Variants in NBAS observed in about 807,000 individuals in gnomAD.
The protein encoded by NBAS is NAG/BC035112 fusion.
A neutral mutation model predicts 302.5 loss-of-function variants in NBAS; 219 were observed. That is an observed-to-expected ratio of 0.72 (90% CI 0.65 to 0.81). The LOEUF (loss-of-function observed/expected upper bound fraction) is 0.81. Among genes scored for constraint, NBAS ranks in the 30% least tolerant of loss-of-function variants. NBAS has a pLI of 0.00. For missense variants in NBAS, 2,932 were observed against 2,841.6 expected, an observed-to-expected ratio of 1.03 and a Z score of -0.72; for synonymous variants, 1,118 against 1,021.6, an observed-to-expected ratio of 1.09 and a Z score of -1.80.
chr2:15,360,649 C>CTTTT lies in NBAS; in HGVS notation c.3818-4237_3818-4234dup, dbSNP rs369254532. On this transcript the variant is annotated intron_variant, in intron 32 of 51. Coordinates refer to ENST00000281513, the MANE Select transcript of NBAS (RefSeq NM_015909.4). ...AGAAGTCTGAGCCGCCATGACCAGC[C>CTTTT]TTTTTTTTTTTTTTTTTTTTAACTT... Among the ~76,000 whole-genome samples the CTTTT allele has an allele frequency of 3.3e-4, 41 of 123,242 alleles. 1 individual carries two copies. Among genetic ancestry groups the CTTTT allele is most frequent in the South Asian group, 1.4e-3 (5 of 3,588 alleles). 80.9% of individuals were successfully genotyped at this position (123,242 alleles called of 152,430 possible).
At chr2:15,319,848 G>A (rs1322360039) in intron 38 of NBAS, among the ~76,000 whole-genome samples, 2 of 151,888 alleles carry the variant, frequency 1.3e-5, no homozygotes, top group Non-Finnish European at 1.5e-5. Context: ...CTTCTGAAAC[G>A]ATCCCAATCA....
At chr2:15,144,603 A>G in the NBAS span, among the ~76,000 whole-genome samples, 4 of 152,124 alleles carry the variant, frequency 2.6e-5, no homozygotes, top group African/African-American at 9.7e-5. Context: ...GAGTGGCCAC[A>G]TTGCTGGCCA....
the NBAS span, among the ~76,000 whole-genome samples, chr2:15,087,758 C>T: frequency 5.3e-5 from 8 of 152,282 alleles, no homozygotes; most frequent in South Asian, 4.1e-4. Flanking sequence ...ATTTGAGAGG[C>T]GGTGTACCAT....
chr2:15,495,953 A>G (rs556460701), intron 11 of NBAS, among the ~76,000 whole-genome samples: 1 of 152,276 alleles, frequency 6.6e-6, no homozygotes, highest in South Asian at 2.1e-4. Context: ...TGATATTTCC[A>G]CAAAAGAACT....
At chr2:15,277,377 G>A (rs1407017161) in intron 42 of NBAS, among the ~76,000 whole-genome samples, 1 of 152,158 alleles carries the variant, frequency 6.6e-6, no homozygotes, top group African/African-American at 2.4e-5. Context: ...TCCTGCAGTT[G>A]GGAGAGCTGT....
chr2:15,245,782 T>C (rs766013153), intron 44 of NBAS, among the ~76,000 whole-genome samples: 1 of 152,218 alleles, frequency 6.6e-6, no homozygotes, highest in East Asian at 1.9e-4. Context: ...TTAGACATGG[T>C]GTGGCATAAA....
chr2:14,975,647 T>G, the NBAS span, among the ~76,000 whole-genome samples: 2 of 152,194 alleles, frequency 1.3e-5, no homozygotes, highest in South Asian at 4.1e-4. Context: ...AATGCACTCC[T>G]TGCATTTCTG....
chr2:15,474,375 T>C, intron 14 of NBAS, 51 bp from the exon 15 acceptor site: 2 of 1,488,764 alleles, frequency 1.3e-6, no homozygotes, highest in Non-Finnish European at 1.8e-6. Flanking sequence ...TAAGAATAAC[T>C]TTTTAGAATT....
the NBAS span, among the ~76,000 whole-genome samples, chr2:14,919,595 T>C: frequency 6.6e-6 from 1 of 152,230 alleles, no homozygotes; most frequent in African/African-American, 2.4e-5. Context: ...TCTTTCAAAA[T>C]TGAAGTCAGT....
chr2:15,472,311 C>T (rs1402055049), intron 16 of NBAS, among the ~76,000 whole-genome samples: 1 of 152,170 alleles, frequency 6.6e-6, no homozygotes, highest in African/African-American at 2.4e-5. Flanking sequence ...TACTTCCCCG[C>T]TTCCTCCCTC....
intron 48 of NBAS, among the ~76,000 whole-genome samples, chr2:15,200,170 C>T (rs1665811133): frequency 6.6e-6 from 1 of 152,008 alleles, no homozygotes; most frequent in African/African-American, 2.4e-5. Context: ...GAGTTATAAG[C>T]ATGAGCCACT....
chr2:14,877,295 T>C, the NBAS span, among the ~76,000 whole-genome samples: 2 of 152,190 alleles, frequency 1.3e-5, no homozygotes, highest in Non-Finnish European at 2.9e-5. Flanking sequence ...GCTGCTTCTC[T>C]GTCAATTAAC....
At chr2:15,404,347 G>A (rs1676302156) in intron 25 of NBAS, among the ~76,000 whole-genome samples, 1 of 151,832 alleles carries the variant, frequency 6.6e-6, no homozygotes, top group Non-Finnish European at 1.5e-5. Context: ...ACTCATATAT[G>A]GTAAGAAAAC....
the NBAS span, among the ~76,000 whole-genome samples, chr2:15,070,853 G>C: frequency 6.6e-6 from 1 of 152,136 alleles, no homozygotes; most frequent in African/African-American, 2.4e-5. Flanking sequence ...GAAGAAAGAG[G>C]GGTGTCCTCC....
chr2:15,077,340 T>C, the NBAS span, among the ~76,000 whole-genome samples: 35 of 152,212 alleles, frequency 2.3e-4, no homozygotes. Flanking sequence ...TCGTGGGGAT[T>C]ATAATTCAAG....
intron 35 of NBAS, among the ~76,000 whole-genome samples, chr2:15,342,653 AAG>A (rs1672908056): frequency 6.6e-6 from 1 of 152,088 alleles, no homozygotes; most frequent in South Asian, 2.1e-4. Flanking sequence ...AGGGAGGAAA[AAG>A]AGAGAACTTT....
At chr2:15,140,922 C>T in the NBAS span, among the ~76,000 whole-genome samples, 1 of 152,136 alleles carries the variant, frequency 6.6e-6, no homozygotes, top group South Asian at 2.1e-4. Context: ...TACCTGCAAG[C>T]CAGGCTTATC....
At chr2:14,912,703 T>TA in the NBAS span, among the ~76,000 whole-genome samples, 1,148 of 78,484 alleles carry the variant, frequency 0.015, 7 homozygotes, top group Middle Eastern at 0.048. Flanking sequence ...CATTCATTTT[T>TA]AAAAAAAAAA....
At chr2:14,959,507 T>C in the NBAS span, among the ~76,000 whole-genome samples, 438 of 152,320 alleles carry the variant, frequency 2.9e-3, 2 homozygotes, top group African/African-American at 0.01. Flanking sequence ...TTTCTTACAG[T>C]CCTTCCCAAC....
Sources: gnomAD v4.1 joint callset for allele counts (sites outside exome capture counted in the v4.1 genomes callset) on GRCh38, gnomAD v4.1.1 for gene constraint, MANE v1.5 for transcripts, NCBI Gene and HGNC (gene_info 2026-07-23, HGNC 2026-07-21) for gene names.